The following CAMK1D variants were observed in gnomAD, a reference collection of about 807,000 sequenced individuals.
CAMK1D encodes the protein calcium/calmodulin dependent protein kinase ID, also known as calcium/calmodulin-dependent protein kinase type 1D.
CAMK1D carries 9 observed loss-of-function variants against 47.7 expected under a neutral mutation model. The observed-to-expected ratio is 0.19, with a 90% CI of 0.11 to 0.33. The LOEUF (loss-of-function observed/expected upper bound fraction) is 0.33. Among genes scored for constraint, CAMK1D ranks in the 10% least tolerant of loss-of-function variants. The pLI, the probability that CAMK1D is intolerant of heterozygous loss-of-function variation, is 1.00. For missense variants in CAMK1D, 291 were observed against 488.7 expected (o/e 0.60, Z 3.81); for synonymous variants, 184 against 184.9 (o/e 0.99, Z 0.04).
At chr10:12,543,260 G>A (rs1836256125) in intron 1 of CAMK1D, among the ~76,000 whole-genome samples, 1 of 151,964 alleles carries the variant, frequency 6.6e-6, no homozygotes, top group South Asian at 2.1e-4. Flanking sequence ...TGGTGGCCAG[G>A]CTGGTCTCAA....
At chr10:12,439,578 G>C (rs927600400) in intron 1 of CAMK1D, among the ~76,000 whole-genome samples, 1 of 152,140 alleles carries the variant, frequency 6.6e-6, no homozygotes, top group Non-Finnish European at 1.5e-5. Flanking sequence ...GAAGGGTCCC[G>C]GTTGTAGAGC....
chr10:12,605,889 G>A lies in CAMK1D; in HGVS notation c.224+52533G>A, dbSNP rs540284777. Among the ~76,000 whole-genome samples the A allele has an allele frequency of 3.9e-5, 6 of 152,276 alleles. No homozygotes were observed. The East Asian group carries it at 9.7e-4, about 25-fold the overall frequency. ...CGGGGCCTGTGGAGCCTGTTGCCCCGGATGGATGGGGTTAGTGCCAGCAGC... is the reference window on the plus strand; with the variant it reads ...CGGGGCCTGTGGAGCCTGTTGCCCCAGATGGATGGGGTTAGTGCCAGCAGC... On this transcript the variant is annotated intron_variant, in intron 2 of 10. Transcript: ENST00000619168.
chr10:12,482,152 C>A (rs1834083743), intron 1 of CAMK1D, among the ~76,000 whole-genome samples: 2 of 152,314 alleles, frequency 1.3e-5, no homozygotes, highest in Admixed American at 6.5e-5. Context: ...CTTTAATCCT[C>A]TTAGCTTGTC....
At chr10:12,570,815 G>T (rs538865929) in intron 2 of CAMK1D, among the ~76,000 whole-genome samples, 10 of 152,112 alleles carry the variant, frequency 6.6e-5, no homozygotes, top group African/African-American at 2.4e-4. Flanking sequence ...GCCAGGCGTG[G>T]TAGAGCATGC....
At chr10:12,613,055 T>C (rs1430988119) in intron 2 of CAMK1D, among the ~76,000 whole-genome samples, 4 of 152,132 alleles carry the variant, frequency 2.6e-5, no homozygotes, top group African/African-American at 7.2e-5. Flanking sequence ...TAAAGGTAGT[T>C]GAAGCCAAAG....
chr10:12,417,990 C>A (rs1347628314), intron 1 of CAMK1D, among the ~76,000 whole-genome samples: 1 of 152,030 alleles, frequency 6.6e-6, no homozygotes. Flanking sequence ...TTAGTAGAGA[C>A]GAGGTTTCAC....
chr10:12,819,445 CTCGGCTCTTA>C (rs1249470462), intron 8 of CAMK1D, among the ~76,000 whole-genome samples: 2 of 152,212 alleles, frequency 1.3e-5, no homozygotes, highest in Non-Finnish European at 2.9e-5. Flanking sequence ...GCCTGGCCTG[CTCGGCTCTTA>C]AGTCCTGGCT....
At chr10:12,639,042 C>T (rs964381390) in intron 2 of CAMK1D, among the ~76,000 whole-genome samples, 11 of 152,256 alleles carry the variant, frequency 7.2e-5, no homozygotes, top group African/African-American at 2.2e-4. Context: ...CAATACATAG[C>T]TCATTCCTGG....
intron 1 of CAMK1D, among the ~76,000 whole-genome samples, chr10:12,387,337 GATATATATATTATATTTTATATATATA>G (rs1376429140): frequency 1.6e-5 from 2 of 125,142 alleles, no homozygotes; most frequent in African/African-American, 2.9e-5. Context: ...TTGAGTTTGA[GATATATATATTATATTTTATATATATA>G]ATATATATAT....
intron 3 of CAMK1D, among the ~76,000 whole-genome samples, chr10:12,753,981 C>T (rs535910341): frequency 6.6e-6 from 1 of 152,288 alleles, no homozygotes; most frequent in African/African-American, 2.4e-5. Flanking sequence ...TCCTCCACCT[C>T]CCGGGCTCAA....
chr10:12,639,463 C>T (rs757248082), intron 2 of CAMK1D, among the ~76,000 whole-genome samples: 19 of 151,908 alleles, frequency 1.3e-4, no homozygotes, highest in Admixed American at 2.6e-4. Flanking sequence ...CCAGCTTGGG[C>T]GACAGAGCAA....
At chr10:12,417,202 C>G (rs1839882145) in intron 1 of CAMK1D, among the ~76,000 whole-genome samples, 1 of 152,116 alleles carries the variant, frequency 6.6e-6, no homozygotes, top group African/African-American at 2.4e-5. Flanking sequence ...TACCTAGACG[C>G]AGGATGATGG....
At chr10:12,782,054 C>A (rs10906222) in intron 5 of CAMK1D, among the ~76,000 whole-genome samples, 33,819 of 147,988 alleles carry the variant, frequency 0.23, 3,982 homozygotes, top group East Asian at 0.46. Flanking sequence ...TAGGTGAAGG[C>A]TGATAGAGAC....
intron 1 of CAMK1D, among the ~76,000 whole-genome samples, chr10:12,450,849 A>G (rs531456898): frequency 7.2e-4 from 110 of 152,218 alleles, no homozygotes; most frequent in Non-Finnish European, 1.0e-3. Flanking sequence ...TTGTTCCAGA[A>G]TAAAAGAAGG....
chr10:12,626,505 A>G (rs1839219922), intron 2 of CAMK1D, among the ~76,000 whole-genome samples: 1 of 139,252 alleles, frequency 7.2e-6, no homozygotes, highest in African/African-American at 2.6e-5. Flanking sequence ...ATGGAGTCTC[A>G]TTCTGTCTCC....
At chr10:12,615,553 TATG>T (rs1421662472) in intron 2 of CAMK1D, among the ~76,000 whole-genome samples, 5 of 145,706 alleles carry the variant, frequency 3.4e-5, no homozygotes, top group Admixed American at 6.8e-5. Context: ...CATGTGTAGT[TATG>T]TGTGTATATC....
intron 1 of CAMK1D, among the ~76,000 whole-genome samples, chr10:12,457,237 A>C (rs1455675147): frequency 6.6e-6 from 1 of 152,102 alleles, no homozygotes; most frequent in Non-Finnish European, 1.5e-5. Context: ...CTAATAACAC[A>C]AAAATTAGCT....
chr10:12,626,477 T>G (rs1030531069), intron 2 of CAMK1D, among the ~76,000 whole-genome samples: 26 of 146,422 alleles, frequency 1.8e-4, no homozygotes, highest in Admixed American at 1.1e-3. Flanking sequence ...CTTTCTTTCT[T>G]TTTTTTTTTT....
intron 3 of CAMK1D, among the ~76,000 whole-genome samples, chr10:12,669,678 T>G (rs1261248235): frequency 1.3e-5 from 2 of 152,130 alleles, no homozygotes; most frequent in South Asian, 2.1e-4. Context: ...TTCGACCCCT[T>G]CAAAGTCTTC....
Sources: gnomAD v4.1 joint callset for allele counts (sites outside exome capture counted in the v4.1 genomes callset) on GRCh38, gnomAD v4.1.1 for gene constraint, MANE v1.5 for transcripts, NCBI Gene and HGNC (gene_info 2026-07-23, HGNC 2026-07-21) for gene names.